SPDL1: variants seen among roughly 807,000 people sequenced by gnomAD.
SPDL1 encodes the protein spindle apparatus coiled-coil protein 1, also known as protein Spindly.
A neutral mutation model predicts 79.5 loss-of-function variants in SPDL1; 85 were observed. The observed-to-expected ratio is 1.07, with a 90% CI of 0.90 to 1.28. The LOEUF is 1.28. Among genes scored for constraint, SPDL1 ranks in the 50% most tolerant of loss-of-function variants. The probability of loss-of-function intolerance (pLI) is 0.00; values close to 1 mark genes in which losing one functional copy is unlikely to be tolerated. For synonymous variants in SPDL1, 269 were observed against 240.3 expected, an observed-to-expected ratio of 1.12 and a Z score of -1.10; for missense variants, 703 against 697.8, an observed-to-expected ratio of 1.01 and a Z score of -0.08.
At chr5:169,594,545 C>T in intron 6 of SPDL1, 26 bp from the exon 7 acceptor site, 1 of 1,610,694 alleles carries the variant, frequency 6.2e-7, no homozygotes, top group African/African-American at 1.3e-5. Flanking sequence ...ACTACCAGAA[C>T]AATTAAGCAT....
At chr5:169,593,575 G>C (rs1755415823) in intron 4 of SPDL1, 27 bp downstream of exon 4, 2 of 1,508,990 alleles carry the variant, frequency 1.3e-6, no homozygotes, top group Admixed American at 2.3e-5. Context: ...GTGTTTCTCA[G>C]GGTTTTCTCT....
At chr5:169,590,618 A>G (rs116321357) in intron 2 of SPDL1, 1 of 415,286 alleles carries the variant, frequency 2.4e-6, no homozygotes, top group African/African-American at 2.0e-5. Context: ...AGTAAAGGCT[A>G]ATTCAGTATT....
In SPDL1 at chr5:169,591,058, A is replaced by G; in HGVS notation, c.170A>G (p.Gln57Arg). ...EMMTMTESYE[Q>R]EKYTLQREVE... The stretch of plus-strand genomic sequence containing the variant: ...TGAATCTGTTTTCAGAGTTATGAAC[A>G]AGAAAAATATACCCTTCAAAGAGAA... The change falls in exon 3 of 12, where the codon CAA (glutamine) becomes CGA (arginine). Residue 57 changes from glutamine to arginine, a missense_variant. Physicochemically the swap from Gln to Arg is conservative, Grantham distance 43 (BLOSUM62 1). Transcript: ENST00000265295. 6.2e-7 allele frequency: 1 copy of G among 1,612,276 alleles called. No individual in the cohort carries two copies. The highest frequency in any genetic ancestry group is 8.5e-7 in the Non-Finnish European group (1 of 1,179,392).
At chr5:169,603,915 C>T (rs2113404097) in intron 11 of SPDL1, 145 bp from the exon 12 acceptor site, 7 of 715,938 alleles carry the variant, frequency 9.8e-6, no homozygotes, top group Non-Finnish European at 1.3e-5. Context: ...CAGCCAGTGA[C>T]TTAATATTCT....
chr5:169,601,341 C>G lies in SPDL1; in HGVS notation c.1386C>G (p.Thr462=), dbSNP rs553446635. ...AGGTGCTCCCTGTGGATATAACCAC[C>G]GCTAAAGATGCATGTGTCAACAACA... ...RREVLPVDIT[T]AKDACVNNSA... Residue 462 remains threonine, a synonymous_variant, in exon 11 of 12, where the codon ACC becomes ACG. Transcript: ENST00000265295. 9 of 1,613,680 alleles carry G rather than the reference C, an allele frequency of 5.6e-6. No homozygotes were observed. In the African/African-American group the frequency reaches 6.7e-5, roughly 12 times the overall value.
intron 4 of SPDL1, 64 bp from the exon 5 acceptor site, chr5:169,594,081 T>C: frequency 7.2e-7 from 1 of 1,397,030 alleles, no homozygotes; most frequent in Non-Finnish European, 9.8e-7. Context: ...TGAGATAAAC[T>C]GAGCAGCTGC....
Position 169,590,370 on chromosome 5 carries a change from G to A in SPDL1, c.160-678G>A, listed in dbSNP as rs1485126619. Among the ~76,000 whole-genome samples the A allele has an allele frequency of 2.6e-5, 4 of 152,222 alleles. No individual in the cohort carries two copies. The South Asian group carries it at 8.3e-4, about 31-fold the overall frequency. On this transcript the variant is annotated intron_variant, in intron 2 of 11. Coordinates refer to ENST00000265295, the MANE Select transcript of SPDL1 (RefSeq NM_017785.5). ...ACTTAATCATTTTGAGTCATAACTT[G>A]TCAAATTTCAGTGTTTAACAGTTAA...
intron 1 of SPDL1, among the ~76,000 whole-genome samples, chr5:169,587,993 C>A (rs558590832): frequency 3.9e-4 from 60 of 152,308 alleles, no homozygotes; most frequent in African/African-American, 1.4e-3. Context: ...AAGCATGAGC[C>A]ACCATACCTG....
chr5:169,593,219 G>A (rs1755390612), intron 3 of SPDL1, 135 bp from the exon 4 acceptor site: 2 of 700,106 alleles, frequency 2.9e-6, no homozygotes, highest in South Asian at 2.2e-5. Context: ...GCTGTTAAAA[G>A]ATGCCTAACC....
chr5:169,585,775 T>C (rs1412938651), intron 1 of SPDL1, among the ~76,000 whole-genome samples: 1 of 152,246 alleles, frequency 6.6e-6, no homozygotes, highest in Non-Finnish European at 1.5e-5. Context: ...TCATTCTCAG[T>C]TAAAGACCTT....
At chr5:169,595,123 T>C (rs1162378197) in intron 7 of SPDL1, among the ~76,000 whole-genome samples, 1 of 152,194 alleles carries the variant, frequency 6.6e-6, no homozygotes, top group Non-Finnish European at 1.5e-5. Flanking sequence ...CCTTTCCTTG[T>C]AGCTCCTCAA....
At chr5:169,592,005 T>C (rs1407522623) in intron 3 of SPDL1, among the ~76,000 whole-genome samples, 3 of 152,194 alleles carry the variant, frequency 2.0e-5, no homozygotes, top group Non-Finnish European at 4.4e-5. Context: ...TAGTCTATAC[T>C]CTGACTTTTC....
Position 169,596,541 on chromosome 5 carries a change from G to A in SPDL1, c.892-20G>A, listed in dbSNP as rs766787065. ...TTCTCTCACTTAATTTTATTAGAGG[G>A]GGTAATTTTATTTTTCTAGTTACAA... is the stretch of plus-strand genomic sequence containing the variant. On this transcript the variant is annotated intron_variant, in intron 7 of 11. Coordinates refer to ENST00000265295, the MANE Select transcript of SPDL1 (RefSeq NM_017785.5). 11 of 1,594,234 alleles carry A rather than the reference G, an allele frequency of 6.9e-6. No homozygotes were observed. The East Asian group carries it at 2.3e-4, about 33-fold the overall frequency.
intron 3 of SPDL1, among the ~76,000 whole-genome samples, chr5:169,591,619 A>C (rs907313300): frequency 6.6e-6 from 1 of 152,216 alleles, no homozygotes; most frequent in Non-Finnish European, 1.5e-5. Flanking sequence ...AATGTGCATT[A>C]CAAATGACAC....
chr5:169,588,381 C>A lies in SPDL1; in HGVS notation c.-23-13C>A. On this transcript the variant is annotated splice_polypyrimidine_tract_variant and intron_variant, in intron 1 of 11. Transcript: ENST00000265295. ...TGTATAAGCTTAAGTAGTTTTATTT[C>A]CTCTATTTACAGTTGGCTAAAAAAA... 1 of 1,554,144 alleles carries A rather than the reference C, an allele frequency of 6.4e-7. No homozygotes were observed. The highest frequency in any genetic ancestry group is 1.2e-5 in the South Asian group (1 of 81,672).
At chr5:169,593,627 T>G (rs1755420004) in intron 4 of SPDL1, 79 bp downstream of exon 4, 1 of 1,390,270 alleles carries the variant, frequency 7.2e-7, no homozygotes, top group African/African-American at 1.5e-5. Flanking sequence ...GTAATAATTC[T>G]TAAGAGCTAG....
intron 3 of SPDL1, among the ~76,000 whole-genome samples, chr5:169,591,534 C>T (rs1465185408): frequency 2.6e-5 from 4 of 152,192 alleles, no homozygotes; most frequent in South Asian, 2.1e-4. Flanking sequence ...CAGAAAGCCT[C>T]GTCTCCTAGC....
chr5:169,590,658 A>T (rs981720302), intron 2 of SPDL1: 2 of 454,802 alleles, frequency 4.4e-6, no homozygotes, highest in African/African-American at 4.0e-5. Context: ...TTACTACTAC[A>T]TTGTGTTCAG....
At chr5:169,596,796 C>T in intron 8 of SPDL1, 95 bp downstream of exon 8, 1 of 1,045,566 alleles carries the variant, frequency 9.6e-7, no homozygotes, top group Admixed American at 3.3e-5. Context: ...TAATAAATAT[C>T]TTGTGGGAGA....
Sources: gnomAD v4.1 joint callset for allele counts (sites outside exome capture counted in the v4.1 genomes callset) on GRCh38, gnomAD v4.1.1 for gene constraint, MANE v1.5 for transcripts, NCBI Gene and HGNC (gene_info 2026-07-23, HGNC 2026-07-21) for gene names.